Variants in BOD1L1 observed in about 807,000 individuals in gnomAD.
BOD1L1 encodes the protein biorientation of chromosomes in cell division 1 like 1, also known as biorientation of chromosomes in cell division protein 1-like 1.
In BOD1L1, 86 loss-of-function variants were observed where a neutral mutation model predicts 240.7. The observed-to-expected ratio is 0.36, with a 90% CI of 0.30 to 0.43. BOD1L1 has a LOEUF of 0.43. Among genes scored for constraint, BOD1L1 ranks in the 20% least tolerant of loss-of-function variants. The pLI, the probability that BOD1L1 is intolerant of heterozygous loss-of-function variation, is 1.00. For synonymous variants in BOD1L1, 1,268 were observed against 1,272.3 expected (o/e 1.00, Z 0.07); for missense variants, 3,554 against 3,643.5 (o/e 0.98, Z 0.63).
At position 13,604,622 on chromosome 4, in the gene BOD1L1, G is replaced by A. The variant is rs763260428; in HGVS notation, c.2278C>T (p.His760Tyr). ...ACTTTTAAACCTTTCTCAGAAGAGT[G>A]AAGCTCAGTCTCATCACCTGTTTTA... ...MHKTGDETEL[H>Y]SSEKGLKVEE... Residue 760 changes from histidine to tyrosine, a missense_variant, in exon 10 of 26, where the codon CAC (histidine) becomes TAC (tyrosine). Coordinates refer to ENST00000040738, the MANE Select transcript of BOD1L1 (RefSeq NM_148894.3). 5.7e-6 allele frequency: 9 copies of A among 1,577,350 alleles called. No homozygotes were observed. The South Asian group carries it at 6.0e-5, about 11-fold the overall frequency.
chr4:13,617,880 A>G (rs1006288049), intron 2 of BOD1L1, among the ~76,000 whole-genome samples: 1 of 152,224 alleles, frequency 6.6e-6, no homozygotes, highest in Non-Finnish European at 1.5e-5. Context: ...ATTGAACATA[A>G]CTAAATAATC....
intron 2 of BOD1L1, among the ~76,000 whole-genome samples, chr4:13,617,451 T>C (rs1429806152): frequency 6.6e-6 from 1 of 152,114 alleles, no homozygotes; most frequent in African/African-American, 2.4e-5. Context: ...GTACCAATGA[T>C]CATACTGCAC....
rs1715156591 is a variant in BOD1L1, at chr4:13,601,485, A to G, written c.5415T>C (p.Ser1805=). The change falls in exon 10 of 26, where the codon AGT becomes AGC. Residue 1805 remains serine, a synonymous_variant. Transcript: ENST00000040738. ...CGCTGCTATCTTCTGAACCTGTGCAACTTGCTGGCCCCTCTCCATCTTCTG... is the reference window on the plus strand; with the variant it reads ...CGCTGCTATCTTCTGAACCTGTGCAGCTTGCTGGCCCCTCTCCATCTTCTG... ...GITEDGEGPA[S]CTGSEDSSEG... 6.2e-7 allele frequency: 1 copy of G among 1,613,928 alleles called. No individual in the cohort carries two copies. Among genetic ancestry groups the G allele is most frequent in the Non-Finnish European group, 8.5e-7 (1 of 1,179,878 alleles).
chr4:13,623,543 T>C (rs1244844258), intron 1 of BOD1L1: 1 of 152,236 alleles, frequency 6.6e-6, no homozygotes, highest in East Asian at 1.9e-4. Flanking sequence ...GTCTTTGCAG[T>C]AGTTGGAGCT....
chr4:13,613,910 T>C lies in BOD1L1; in HGVS notation c.1175-249A>G, dbSNP rs1026669600. ...AGTAACTGAAGTATTTACTACCTAA[T>C]AAAAATTAGGATATCCAACTATGAA... On this transcript the variant is annotated intron_variant, in intron 4 of 25. Transcript: ENST00000040738. This position sits in a 1 kb window ranked among gnomAD's most constrained non-coding sequence, Gnocchi z 4.0. Among the ~76,000 whole-genome samples the C allele has an allele frequency of 4.6e-5, 7 of 152,164 alleles. No homozygotes were observed. The highest frequency in any genetic ancestry group is 1.7e-4 in the African/African-American group (7 of 41,444).
rs74395516 is a variant in BOD1L1, at chr4:13,591,265, T to C, written c.8148+658A>G. 6.8e-3 allele frequency among the ~76,000 whole-genome samples: 1,028 copies of C among 152,210 alleles called. 13 individuals are homozygous for C. The highest frequency in any genetic ancestry group is 0.024 in the African/African-American group (982 of 41,550). ...ACACCAAGTGGTGCTTTTCTCTTTC[T>C]TCTTATTCAGCATATGGTGTATGAG... On this transcript the variant is annotated intron_variant, in intron 13 of 25. Coordinates refer to ENST00000040738, the MANE Select transcript of BOD1L1 (RefSeq NM_148894.3).
At chr4:13,607,478 A>G (rs1177903127) in intron 8 of BOD1L1, among the ~76,000 whole-genome samples, 1 of 152,146 alleles carries the variant, frequency 6.6e-6, no homozygotes, top group African/African-American at 2.4e-5. Context: ...TTGTATTTTT[A>G]GTAGAGACAG....
Position 13,601,492 on chromosome 4 carries a change from G to A in BOD1L1, c.5408C>T (p.Pro1803Leu). The change falls in exon 10 of 26, where the codon CCA becomes CTA. Residue 1803 changes from proline to leucine, a missense_variant. Around this residue, in one of 2 missense-constraint regions of BOD1L1, gnomAD observed 3,393 missense variants for 3,427.1 expected, o/e 0.99. Coordinates refer to ENST00000040738, the MANE Select transcript of BOD1L1 (RefSeq NM_148894.3). Reference sequence around the variant, plus strand: ...ATCTTCTGAACCTGTGCAACTTGCTGGCCCCTCTCCATCTTCTGTTATCCC... The same window carrying A: ...ATCTTCTGAACCTGTGCAACTTGCTAGCCCCTCTCCATCTTCTGTTATCCC... ...STGITEDGEG[P>L]ASCTGSEDSS... is the part of the protein sequence containing the mutation. 1 of 1,613,976 alleles carries A rather than the reference G, an allele frequency of 6.2e-7. No individual in the cohort carries two copies.
In BOD1L1 at chr4:13,602,357, T is replaced by C. The variant is rs16888885; in HGVS notation, c.4543A>G (p.Thr1515Ala). The C allele has an allele frequency of 2.4e-3, 3,930 of 1,613,908 alleles. 53 individuals carry two copies. The African/African-American group carries it at 0.036, about 15-fold the overall frequency. ...CCTTCAGTACTAGTGGCAACAGAAG[T>C]CTTTTCTGCTCTCCTAGGCCCAGTT... ...VATGPRRAEK[T>A]SVATSTEGKD... is the part of the protein sequence containing the mutation. The change falls in exon 10 of 26, where the codon ACT becomes GCT. Residue 1515 changes from threonine (T) to alanine (A), a missense_variant. By Grantham distance (58) the Thr-to-Ala change is moderately conservative. Around this residue, in one of 2 missense-constraint regions of BOD1L1, gnomAD observed 3,393 missense variants for 3,427.1 expected, o/e 0.99. Coordinates refer to ENST00000040738, the MANE Select transcript of BOD1L1 (RefSeq NM_148894.3).
intron 25 of BOD1L1, chr4:13,572,907 T>G: frequency 8.1e-7 from 1 of 1,240,180 alleles, no homozygotes; most frequent in Non-Finnish European, 1.0e-6. Flanking sequence ...TGGAACTCTG[T>G]AGGAAGTATG....
In BOD1L1 at chr4:13,601,066, T is replaced by C. The variant is rs772796998; in HGVS notation, c.5834A>G (p.Asp1945Gly). 4 of 1,613,966 alleles carry C rather than the reference T, an allele frequency of 2.5e-6. No homozygotes were observed. Among genetic ancestry groups the C allele is most frequent in the Admixed American group, 1.7e-5 (1 of 60,020 alleles). The stretch of plus-strand genomic sequence containing the variant: ...AATCCCTTTTGCACTGGAGCAGATA[T>C]CTGTGTCTTTACTTCCTTTCTCTGT... ...SGTEKGSKDT[D>G]ICSSAKGIVE... The change falls in exon 10 of 26, where the codon GAT becomes GGT. Residue 1945 changes from aspartate to glycine, a missense_variant. Physicochemically the swap from Asp to Gly is moderately conservative, Grantham distance 94. Transcript: ENST00000040738.
In BOD1L1 at chr4:13,570,153, T is replaced by C. The variant is rs181759640; in HGVS notation, c.9039-25A>G. 27 of 1,489,756 alleles carry C rather than the reference T, an allele frequency of 1.8e-5. No individual in the cohort carries two copies. In the Admixed American group the frequency reaches 4.7e-4, roughly 26 times the overall value. 92.3% of individuals were successfully genotyped at this position (1,489,756 alleles called of 1,614,324 possible). On this transcript the variant is annotated intron_variant, in intron 25 of 25. Transcript: ENST00000040738. ...TCTGCATTAAGCAAAGTCAAGGCAA[T>C]GGTGAGGTTTAAAAGCAGCTGCTTC...
intron 1 of BOD1L1, among the ~76,000 whole-genome samples, chr4:13,620,426 G>A (rs1411293111): frequency 1.3e-5 from 2 of 152,124 alleles, no homozygotes; most frequent in Non-Finnish European, 1.5e-5. Flanking sequence ...AAGGAAGCTG[G>A]GAATGAGAAT....
intron 25 of BOD1L1, among the ~76,000 whole-genome samples, chr4:13,573,946 G>GA (rs1712472251): frequency 6.6e-6 from 1 of 152,158 alleles, no homozygotes; most frequent in Non-Finnish European, 1.5e-5. Flanking sequence ...TGAGTAGCTG[G>GA]GATTACAGGC....
rs1256482211 is a variant in BOD1L1 at position 13,569,070 on chromosome 4, T to C, written c.*941A>G. The C allele has an allele frequency of 6.6e-6, 1 of 152,174 alleles. No homozygotes were observed. The highest frequency in any genetic ancestry group is 6.5e-5 in the Admixed American group (1 of 15,284). 9.4% of individuals were successfully genotyped at this position (152,174 alleles called of 1,614,324 possible). A position where few individuals can be genotyped will look rare whatever the true frequency, so the allele number is the denominator to read the frequency against. On this transcript the variant is annotated 3_prime_UTR_variant, in exon 26 of 26. Coordinates refer to ENST00000040738, the MANE Select transcript of BOD1L1 (RefSeq NM_148894.3). ...GCCAGTTTCTATACTGAAATAACTG[T>C]GTATAAAACAACATAAAATCCTGAA...
chr4:13,598,306 G>C (rs114619985), intron 10 of BOD1L1, among the ~76,000 whole-genome samples: 9 of 152,132 alleles, frequency 5.9e-5, no homozygotes, highest in African/African-American at 2.2e-4. Context: ...AATAAGCTCA[G>C]TTAAAAATAA....
chr4:13,588,190 A>G (rs955489659), intron 15 of BOD1L1, among the ~76,000 whole-genome samples: 4 of 150,716 alleles, frequency 2.7e-5, no homozygotes, highest in African/African-American at 9.7e-5. Flanking sequence ...TGTTTCAAAA[A>G]AAAAAAAAAA....
In BOD1L1 at chr4:13,600,744, A is replaced by T; in HGVS notation, c.6156T>A (p.Ser2052Arg). The T allele has an allele frequency of 1.9e-6, 3 of 1,613,938 alleles. No homozygotes were observed. Among genetic ancestry groups the T allele is most frequent in the Non-Finnish European group, 2.5e-6 (3 of 1,179,864 alleles). ...ECDGLMATTA[S>R]GDITNQNSLA... Reference sequence around the variant, plus strand: ...AGCTATTCTGGTTGGTAATATCACCACTGGCTGTAGTTGCCATGAGACCAT... The same window carrying T: ...AGCTATTCTGGTTGGTAATATCACCTCTGGCTGTAGTTGCCATGAGACCAT... Residue 2052 changes from serine (S) to arginine (R), a missense_variant, in exon 10 of 26, where the codon AGT becomes AGA. Coordinates refer to ENST00000040738, the MANE Select transcript of BOD1L1 (RefSeq NM_148894.3).
intron 6 of BOD1L1, among the ~76,000 whole-genome samples, chr4:13,610,383 A>AC (rs1409529088): frequency 6.6e-6 from 1 of 152,168 alleles, no homozygotes; most frequent in Non-Finnish European, 1.5e-5. Flanking sequence ...ACTGTGAAGC[A>AC]CTCAGGTTGT....
Sources: allele counts gnomAD v4.1 joint callset (sites outside exome capture counted in the v4.1 genomes callset), GRCh38; gene constraint gnomAD v4.1.1; regional missense constraint gnomAD v4.1.1; non-coding constraint Gnocchi (gnomAD v3.1); transcripts MANE v1.5; gene names NCBI Gene and HGNC (gene_info 2026-07-23, HGNC 2026-07-21).